Variants in OFD1 observed in about 807,000 individuals in gnomAD.
The protein encoded by OFD1 is centriole and centriolar satellite protein OFD1.
A neutral mutation model predicts 81.4 loss-of-function variants in OFD1; 12 were observed. The ratio of observed to expected loss-of-function variants is 0.15; its 90% CI spans 0.09 to 0.24. The LOEUF is 0.24. Ranked by LOEUF, OFD1 falls within the 10% of genes least tolerant of loss-of-function variation. The pLI is 1.00. For synonymous variants in OFD1, 256 were observed against 263.7 expected (o/e 0.97, Z 0.28); for missense variants, 685 against 733.9 (o/e 0.93, Z 0.77).
chrX:13,757,278 C>G, intron 13 of OFD1, among the ~76,000 whole-genome samples: 1 of 111,847 alleles, frequency 8.9e-6, no homozygotes, highest in Non-Finnish European at 1.9e-5. Context: ...TGCCTGGATC[C>G]CAACTGCTGC....
At chrX:13,761,788 C>T (rs1464580578) in intron 17 of OFD1, among the ~76,000 whole-genome samples, 1 of 110,827 alleles carries the variant, frequency 9.0e-6, no homozygotes, top group Non-Finnish European at 1.9e-5. Context: ...GAGCAGACTC[C>T]TACCCATACC....
intron 3 of OFD1, among the ~76,000 whole-genome samples, chrX:13,737,427 C>T (rs1049205709): frequency 1.8e-5 from 2 of 108,261 alleles, no homozygotes; most frequent in Non-Finnish European, 3.8e-5. Context: ...TTTGGGTTCA[C>T]AGCAAAGTTA....
chrX:13,739,041 C>T lies in OFD1; in HGVS notation c.412+9C>T, dbSNP rs369359280. The T allele has an allele frequency of 8.3e-6, 10 of 1,200,005 alleles. No individual in the cohort carries two copies. The Admixed American group carries it at 1.1e-4, about 13-fold the overall frequency. Reference sequence around the variant, plus strand: ...TAAAGAAAATCAAAAAGGTAGGAGCCGTCATCTTTGTAGAGAACAGCAACA... The same window carrying T: ...TAAAGAAAATCAAAAAGGTAGGAGCTGTCATCTTTGTAGAGAACAGCAACA... On this transcript the variant is annotated intron_variant, in intron 5 of 22. Coordinates refer to ENST00000340096, the MANE Select transcript of OFD1 (RefSeq NM_003611.3).
intron 15 of OFD1, among the ~76,000 whole-genome samples, chrX:13,759,440 C>A (rs755988625): frequency 3.6e-5 from 4 of 112,216 alleles, no homozygotes; most frequent in Non-Finnish European, 7.5e-5. Flanking sequence ...TGTAGCATCA[C>A]GGGGAGGCAT....
At chrX:13,721,051 C>T in the OFD1 span, 3 of 105,677 alleles carry the variant, frequency 2.8e-5, no homozygotes, top group South Asian at 8.2e-4. Context: ...AACAGATTGG[C>T]AGAAGAGATG....
chrX:13,764,415 T>A (rs1325595405), intron 19 of OFD1, among the ~76,000 whole-genome samples: 8 of 112,162 alleles, frequency 7.1e-5, no homozygotes, highest in African/African-American at 2.6e-4. Flanking sequence ...AAACTGGCCA[T>A]CAGACTTCTC....
intron 8 of OFD1, among the ~76,000 whole-genome samples, 197 bp downstream of exon 8, chrX:13,747,150 G>T (rs763266679): frequency 8.9e-6 from 1 of 112,002 alleles, no homozygotes; most frequent in African/African-American, 3.3e-5. Flanking sequence ...TGATGGAAAG[G>T]CGAGAACTGT....
At chrX:13,724,731 C>A in the OFD1 span, among the ~76,000 whole-genome samples, 2 of 112,519 alleles carry the variant, frequency 1.8e-5, no homozygotes, top group Non-Finnish European at 3.8e-5. Context: ...GTACCTGGTT[C>A]ATCTCATTGG....
Position 13,761,208 on chromosome X carries a change from T to G in OFD1, c.2384T>G (p.Val795Gly). 1 of 1,210,187 alleles carries G rather than the reference T, an allele frequency of 8.3e-7. No homozygotes were observed. Among genetic ancestry groups the G allele is most frequent in the South Asian group, 1.8e-5 (1 of 56,914 alleles). Residue 795 changes from valine to glycine, a missense_variant, in exon 17 of 23, where the codon GTG becomes GGG. Transcript: ENST00000340096. Reference protein sequence around the residue: ...PPVSSPPEQKVGLYRRQTELQ... With the variant: ...PPVSSPPEQKGGLYRRQTELQ... ...GTCTCCAGCCCTCCGGAGCAGAAAG[T>G]GGGGTAAGTATAACGTTCTGATTGA...
At chrX:13,749,299 C>G (rs945432188) in intron 8 of OFD1, 128 bp from the exon 9 acceptor site, 4 of 485,168 alleles carry the variant, frequency 8.2e-6, no homozygotes, top group Middle Eastern at 4.4e-4. Context: ...GTCGGAATCT[C>G]TTGAAGGTGA....
the OFD1 span, chrX:13,716,160 T>C: frequency 1.4e-5 from 15 of 1,043,730 alleles, no homozygotes; most frequent in East Asian, 4.9e-4. Flanking sequence ...GATACAGTAT[T>C]CTTCAAATTA....
At position 13,757,761 on chromosome X, in the gene OFD1, C is replaced by T; in HGVS notation, c.1513C>T (p.Gln505Ter). The change falls in exon 14 of 23, where the codon CAA becomes TAA. Residue 505 changes from glutamine to a stop codon, truncating the protein, a stop_gained. Transcript: ENST00000340096. LOFTEE classifies it high-confidence loss of function. ...VEHEEFESCR[Q>*]ALHKQLQDEI... ...GCATGAGGAGTTCGAAAGCTGCAGGCAAGCTCTGCACAAACAACTGCAAGA... is the reference window on the plus strand; with the variant it reads ...GCATGAGGAGTTCGAAAGCTGCAGGTAAGCTCTGCACAAACAACTGCAAGA... 8.3e-7 allele frequency: 1 copy of T among 1,210,733 alleles called. No homozygotes were observed. The highest frequency in any genetic ancestry group is 1.1e-6 in the Non-Finnish European group (1 of 894,841).
intron 20 of OFD1, among the ~76,000 whole-genome samples, 190 bp downstream of exon 20, chrX:13,767,474 G>GTT (rs2048174745): frequency 8.9e-6 from 1 of 112,122 alleles, no homozygotes; most frequent in Non-Finnish European, 1.9e-5. Flanking sequence ...AAGCTTAGGA[G>GTT]TTTTGTAGTA....
At chrX:13,736,154 A>G in intron 2 of OFD1, 2 of 873,197 alleles carry the variant, frequency 2.3e-6, no homozygotes, top group Non-Finnish European at 2.8e-6. Flanking sequence ...TATACTTAAT[A>G]TCCCAATCGT....
rs750628498 is a variant in OFD1 at position 13,736,689 on chromosome X, T to C, written c.312+11T>C. ...TTGGCAAAAGAAAAGGTAAAGTCTT[T>C]CCTTTTCTGTTTCTGAAGTTTTTAT... On this transcript the variant is annotated intron_variant, in intron 3 of 22. Coordinates refer to ENST00000340096, the MANE Select transcript of OFD1 (RefSeq NM_003611.3). 8.5e-7 allele frequency: 1 copy of C among 1,175,061 alleles called. No individual in the cohort carries two copies. The highest frequency in any genetic ancestry group is 1.8e-5 in the South Asian group (1 of 56,039).
intron 10 of OFD1, chrX:13,752,673 G>A: frequency 1.0e-6 from 1 of 968,238 alleles, no homozygotes; most frequent in Non-Finnish European, 1.3e-6. Context: ...TAGTTATGGA[G>A]CTAGTGAACT....
chrX:13,729,685 T>C, the OFD1 span, among the ~76,000 whole-genome samples: 1 of 111,543 alleles, frequency 9.0e-6, no homozygotes, highest in Admixed American at 9.5e-5. Context: ...GAGGTGGTCA[T>C]ATCACCTGAG....
Position 13,752,651 on chromosome X carries a change from G to C in OFD1, c.1056-717G>C, listed in dbSNP as rs968859115. On this transcript the variant is annotated intron_variant, in intron 10 of 22. Transcript: ENST00000340096. ...GGAATAAATGAATTAAAGTATGTGTGTTAATTTTACATAGTTATGGAGCTA... is the reference window on the plus strand; with the variant it reads ...GGAATAAATGAATTAAAGTATGTGTCTTAATTTTACATAGTTATGGAGCTA... 3 of 947,595 alleles carry C rather than the reference G, an allele frequency of 3.2e-6. No individual in the cohort carries two copies. In the African/African-American group the frequency reaches 6.1e-5, roughly 19 times the overall value. 78.1% of individuals were successfully genotyped at this position (947,595 alleles called of 1,213,427 possible).
intron 2 of OFD1, 63 bp downstream of exon 2, chrX:13,735,409 AT>A: frequency 1.2e-6 from 1 of 855,618 alleles, no homozygotes; most frequent in South Asian, 2.0e-5. Flanking sequence ...GGTAGTTCAA[AT>A]TCAATCAAGG....
Sources: allele counts gnomAD v4.1 joint callset (sites outside exome capture counted in the v4.1 genomes callset), GRCh38; gene constraint gnomAD v4.1.1; transcripts MANE v1.5; gene names NCBI Gene and HGNC (gene_info 2026-07-23, HGNC 2026-07-21).